MORC1: variants seen among roughly 807,000 people sequenced by gnomAD.
The protein encoded by MORC1 is MORC family CW-type zinc finger 1.
In MORC1, 59 loss-of-function variants were observed where a neutral mutation model predicts 134.9. The ratio of observed to expected loss-of-function variants is 0.44; its 90% CI spans 0.35 to 0.54. The LOEUF (loss-of-function observed/expected upper bound fraction) is 0.54. Ranked by LOEUF, MORC1 falls within the 20% of genes least tolerant of loss-of-function variation. MORC1 has a pLI of 0.00. For synonymous variants in MORC1, 395 were observed against 391.7 expected (o/e 1.01, Z -0.10); for missense variants, 947 against 1,134.5 (o/e 0.83, Z 2.37).
intron 17 of MORC1, among the ~76,000 whole-genome samples, chr3:109,008,864 AC>A (rs1394730772): frequency 1.3e-5 from 2 of 152,144 alleles, no homozygotes; most frequent in Non-Finnish European, 2.9e-5. Context: ...TTACCTTAGT[AC>A]TAAGAAGTAT....
At chr3:109,102,523 G>C (rs1950948756) in intron 4 of MORC1, among the ~76,000 whole-genome samples, 1 of 152,038 alleles carries the variant, frequency 6.6e-6, no homozygotes, top group Non-Finnish European at 1.5e-5. Context: ...ATTTTCTATG[G>C]GTCAAGATTG....
At chr3:109,077,193 C>T (rs1002524092) in intron 8 of MORC1, among the ~76,000 whole-genome samples, 3 of 152,038 alleles carry the variant, frequency 2.0e-5, no homozygotes, top group Admixed American at 6.6e-5. Context: ...AAAATAAAGA[C>T]ACTTGTAGAG....
At chr3:109,056,951 G>T (rs2107673985) in intron 13 of MORC1, among the ~76,000 whole-genome samples, 1 of 152,278 alleles carries the variant, frequency 6.6e-6, no homozygotes, top group African/African-American at 2.4e-5. Context: ...TAACTGGCAT[G>T]AACTCATACA....
At chr3:108,981,119 G>A (rs1224439288) in intron 23 of MORC1, among the ~76,000 whole-genome samples, 2 of 152,148 alleles carry the variant, frequency 1.3e-5, no homozygotes, top group Non-Finnish European at 2.9e-5. Context: ...ACAAGAGTCT[G>A]GGGGCAGTAC....
chr3:109,028,990 G>A (rs1185398722), intron 16 of MORC1, among the ~76,000 whole-genome samples: 2 of 152,162 alleles, frequency 1.3e-5, no homozygotes, highest in Admixed American at 6.5e-5. Context: ...ATGGGTGTTA[G>A]GCCAGGCAAG....
At chr3:109,055,859 T>A (rs191016307) in intron 13 of MORC1, among the ~76,000 whole-genome samples, 2 of 152,142 alleles carry the variant, frequency 1.3e-5, no homozygotes, top group Non-Finnish European at 2.9e-5. Context: ...AGGAACATAA[T>A]GCAGGTGCTG....
intron 17 of MORC1, among the ~76,000 whole-genome samples, chr3:109,012,422 T>C (rs1948709780): frequency 6.6e-6 from 1 of 152,212 alleles, no homozygotes; most frequent in Admixed American, 6.5e-5. Flanking sequence ...TTTTTCTAAA[T>C]TCTTTGCATG....
chr3:109,086,970 C>G (rs1950626074), intron 8 of MORC1, among the ~76,000 whole-genome samples: 1 of 151,918 alleles, frequency 6.6e-6, no homozygotes, highest in Non-Finnish European at 1.5e-5. Flanking sequence ...TCCCAAGTAG[C>G]AAAATAATTT....
rs371165705 is a variant in MORC1, at chr3:109,090,811, C to T, written c.689+2625G>A. On this transcript the variant is annotated intron_variant, in intron 8 of 27. Transcript: ENST00000232603. ...TATCTAAGACCAAACCTGAAAATTACATAGTTTCAAGATTTGAAAATTGTT... is the reference window on the plus strand; with the variant it reads ...TATCTAAGACCAAACCTGAAAATTATATAGTTTCAAGATTTGAAAATTGTT... Among the ~76,000 whole-genome samples, 7 of 152,024 alleles carry T rather than the reference C, an allele frequency of 4.6e-5. No homozygotes were observed. In the South Asian group the frequency reaches 1.2e-3, roughly 27 times the overall value.
chr3:109,072,544 G>A (rs771540940), intron 8 of MORC1, among the ~76,000 whole-genome samples: 5 of 152,166 alleles, frequency 3.3e-5, no homozygotes, highest in Non-Finnish European at 7.3e-5. Context: ...ATAAAAATAT[G>A]TTGAATAAAT....
intron 22 of MORC1, among the ~76,000 whole-genome samples, chr3:108,985,843 A>G (rs1947881084): frequency 6.6e-6 from 1 of 152,204 alleles, no homozygotes; most frequent in Admixed American, 6.5e-5. Flanking sequence ...AACTGTCTAT[A>G]AAAGATTGGC....
chr3:108,973,725 T>C (rs961183565), intron 24 of MORC1, among the ~76,000 whole-genome samples: 1 of 151,388 alleles, frequency 6.6e-6, no homozygotes, highest in Non-Finnish European at 1.5e-5. Flanking sequence ...CCCACCTGAG[T>C]AGCTGGGATT....
intron 17 of MORC1, among the ~76,000 whole-genome samples, chr3:109,019,535 G>C (rs911346153): frequency 6.6e-6 from 1 of 152,086 alleles, no homozygotes; most frequent in Non-Finnish European, 1.5e-5. Flanking sequence ...CATTGTTTAC[G>C]TCACGTTGGC....
intron 27 of MORC1, among the ~76,000 whole-genome samples, chr3:108,959,894 A>C (rs1947035709): frequency 6.6e-6 from 1 of 152,216 alleles, no homozygotes; most frequent in Admixed American, 6.5e-5. Context: ...GCAAGAACAT[A>C]CATCAAATTT....
chr3:109,100,379 A>G (rs1306816748), intron 5 of MORC1, 38 bp downstream of exon 5: 13 of 1,415,686 alleles, frequency 9.2e-6, no homozygotes, highest in African/African-American at 1.4e-5. Context: ...TGTTCCCAGT[A>G]TCAATAATAT....
intron 14 of MORC1, among the ~76,000 whole-genome samples, chr3:109,041,953 A>G (rs1949563812): frequency 6.6e-6 from 1 of 152,186 alleles, no homozygotes; most frequent in South Asian, 2.1e-4. Flanking sequence ...CAAAAAAAAA[A>G]AAATTGAATA....
At chr3:109,027,505 A>G (rs1406891615) in intron 17 of MORC1, among the ~76,000 whole-genome samples, 1 of 152,016 alleles carries the variant, frequency 6.6e-6, no homozygotes, top group Non-Finnish European at 1.5e-5. Flanking sequence ...GTAGAAATAA[A>G]TGTCCCTATT....
intron 17 of MORC1, among the ~76,000 whole-genome samples, chr3:109,012,718 A>C (rs1948722016): frequency 6.6e-6 from 1 of 152,200 alleles, no homozygotes; most frequent in Admixed American, 6.5e-5. Context: ...CTGTTTGCTA[A>C]TATATAGAAA....
intron 17 of MORC1, among the ~76,000 whole-genome samples, chr3:109,026,140 T>A (rs1038838323): frequency 1.3e-5 from 2 of 152,110 alleles, no homozygotes; most frequent in Non-Finnish European, 2.9e-5. Context: ...GCAGGGTCAG[T>A]TACAAGCCCT....
Sources: gnomAD v4.1 joint callset for allele counts (sites outside exome capture counted in the v4.1 genomes callset) on GRCh38, gnomAD v4.1.1 for gene constraint, MANE v1.5 for transcripts, NCBI Gene and HGNC (gene_info 2026-07-23, HGNC 2026-07-21) for gene names.